EYS: variants seen among roughly 807,000 people sequenced by gnomAD.
EYS encodes the protein protein eyes shut homolog.
Under a neutral mutation model 282.1 loss-of-function variants are expected in EYS, and 250 were observed. That is an observed-to-expected ratio of 0.89 (90% CI 0.80 to 0.98). The LOEUF is 0.98. EYS is among the 50% of genes least tolerant of loss of function. The pLI, the probability that EYS is intolerant of heterozygous loss-of-function variation, is 0.00. For synonymous variants in EYS, 1,355 were observed against 1,282.9 expected, an observed-to-expected ratio of 1.06 and a Z score of -1.20; for missense variants, 4,016 against 3,709.0, an observed-to-expected ratio of 1.08 and a Z score of -2.15.
At chr6:64,406,876 C>T (rs577249949) in intron 28 of EYS, among the ~76,000 whole-genome samples, 1 of 152,254 alleles carries the variant, frequency 6.6e-6, no homozygotes, top group African/African-American at 2.4e-5. Context: ...TTAGTTCAAC[C>T]ATTGTGGAAG....
intron 8 of EYS, among the ~76,000 whole-genome samples, chr6:65,370,109 GA>G (rs1424094227): frequency 1.1e-4 from 16 of 150,906 alleles, no homozygotes; most frequent in Middle Eastern, 3.4e-3. Context: ...AGCATAGCAT[GA>G]ATTTCAGATT....
chr6:64,599,166 T>C (rs1021358171), intron 24 of EYS, among the ~76,000 whole-genome samples: 4 of 152,148 alleles, frequency 2.6e-5, no homozygotes, highest in Non-Finnish European at 4.4e-5. Flanking sequence ...ATTGGAATAT[T>C]TGAAATAAGA....
Position 65,526,594 on chromosome 6 carries a change from A to G in EYS, c.-332-30601T>C, listed in dbSNP as rs182194427. Among the ~76,000 whole-genome samples the G allele has an allele frequency of 3.4e-3, 522 of 152,262 alleles. 2 individuals are homozygous for G. Among genetic ancestry groups the G allele is most frequent in the African/African-American group, 0.012 (506 of 41,560 alleles). ...GCCGAGGGGGGTGGATCACGAGGTC[A>G]GGAGATTGAGACCATCTTGGCTAAC... On this transcript the variant is annotated intron_variant, in intron 2 of 42. Coordinates refer to ENST00000503581, the MANE Select transcript of EYS (RefSeq NM_001142800.2).
chr6:64,210,110 C>T (rs1055315953), intron 31 of EYS, among the ~76,000 whole-genome samples: 1 of 152,166 alleles, frequency 6.6e-6, no homozygotes, highest in Non-Finnish European at 1.5e-5. Context: ...TTGATTAATG[C>T]TGCTCTGATT....
rs185130766 is a variant in EYS at position 64,783,088 on chromosome 6, C to T, written c.3443+30290G>A. Reference sequence around the variant, plus strand: ...ATCATCCTTTTGTCCAGTATCCACACCGTAGGCACTACCCACCTATCAGTC... The same window carrying T: ...ATCATCCTTTTGTCCAGTATCCACATCGTAGGCACTACCCACCTATCAGTC... On this transcript the variant is annotated intron_variant, in intron 22 of 42. Transcript: ENST00000503581. 8.5e-5 allele frequency among the ~76,000 whole-genome samples: 13 copies of T among 152,250 alleles called. No individual in the cohort carries two copies. The East Asian group carries it at 2.3e-3, about 27-fold the overall frequency.
chr6:65,383,598 A>G (rs558019195), intron 8 of EYS, among the ~76,000 whole-genome samples: 1 of 151,560 alleles, frequency 6.6e-6, no homozygotes, highest in East Asian at 1.9e-4. Flanking sequence ...TGAAAAAAAA[A>G]AGCTTTGCAG....
At chr6:65,084,468 A>G (rs1375362985) in intron 12 of EYS, among the ~76,000 whole-genome samples, 1 of 152,180 alleles carries the variant, frequency 6.6e-6, no homozygotes, top group Non-Finnish European at 1.5e-5. Context: ...TGCTACTCCA[A>G]GAAAGTAAAA....
At chr6:65,284,264 GC>G (rs1289002653) in intron 12 of EYS, among the ~76,000 whole-genome samples, 1 of 151,934 alleles carries the variant, frequency 6.6e-6, no homozygotes, top group Non-Finnish European at 1.5e-5. Flanking sequence ...CAAATTTTGT[GC>G]TTTTTATTTT....
At chr6:64,940,348 A>G (rs887110013) in intron 15 of EYS, among the ~76,000 whole-genome samples, 8 of 152,088 alleles carry the variant, frequency 5.3e-5, no homozygotes, top group Non-Finnish European at 8.8e-5. Flanking sequence ...AAACGCATAT[A>G]CAAGTTATCT....
chr6:64,588,727 C>T (rs1018006673), intron 26 of EYS, among the ~76,000 whole-genome samples: 4 of 151,998 alleles, frequency 2.6e-5, no homozygotes, highest in Non-Finnish European at 4.4e-5. Context: ...TCCCCAAATA[C>T]CCAGTTAGAC....
chr6:64,676,338 C>CTA (rs1229565212), intron 22 of EYS, among the ~76,000 whole-genome samples: 11 of 125,158 alleles, frequency 8.8e-5, no homozygotes, highest in Middle Eastern at 5.6e-3. Context: ...ATCTATATAT[C>CTA]TATATATATA....
intron 26 of EYS, among the ~76,000 whole-genome samples, chr6:64,515,431 TA>T (rs1465175428): frequency 1.3e-5 from 2 of 151,370 alleles, no homozygotes; most frequent in African/African-American, 4.8e-5. Context: ...TATTTTTTGC[TA>T]AAAAAATTGT....
chr6:65,075,236 AATCTAAC>A (rs1774014268), intron 12 of EYS, among the ~76,000 whole-genome samples: 1 of 151,946 alleles, frequency 6.6e-6, no homozygotes, highest in African/African-American at 2.4e-5. Flanking sequence ...AGGGTGTAAT[AATCTAAC>A]CACTTCTACA....
chr6:64,949,527 T>C (rs1469700893), intron 14 of EYS, among the ~76,000 whole-genome samples: 1 of 151,932 alleles, frequency 6.6e-6, no homozygotes, highest in East Asian at 1.9e-4. Flanking sequence ...TGTTACCTCT[T>C]GTTTTGTTAA....
At chr6:64,658,888 C>G (rs1768872905) in intron 22 of EYS, among the ~76,000 whole-genome samples, 3 of 152,164 alleles carry the variant, frequency 2.0e-5, no homozygotes, top group Admixed American at 6.5e-5. Context: ...CCAAGTGGAC[C>G]TAATAGACAT....
chr6:64,127,557 G>A (rs1193329352), intron 31 of EYS, among the ~76,000 whole-genome samples: 1 of 151,830 alleles, frequency 6.6e-6, no homozygotes, highest in Non-Finnish European at 1.5e-5. Context: ...CATTTATTTT[G>A]AGAGACTAAA....
intron 26 of EYS, among the ~76,000 whole-genome samples, chr6:64,454,662 G>A (rs2150480393): frequency 6.6e-6 from 1 of 152,108 alleles, no homozygotes; most frequent in African/African-American, 2.4e-5. Flanking sequence ...GGGTTGTGTG[G>A]GGACACTTTT....
chr6:65,392,328 A>C (rs1766074866), intron 7 of EYS, among the ~76,000 whole-genome samples: 1 of 152,012 alleles, frequency 6.6e-6, no homozygotes, highest in Non-Finnish European at 1.5e-5. Context: ...AATGGGATCT[A>C]ATTAAACTAA....
In EYS at chr6:63,999,060, T is replaced by C. The variant is rs1213902247; in HGVS notation, c.6834+15A>G. On this transcript the variant is annotated intron_variant, in intron 34 of 42. Coordinates refer to ENST00000503581, the MANE Select transcript of EYS (RefSeq NM_001142800.2). The stretch of plus-strand genomic sequence containing the variant: ...GGCACAATTAGTGTTTGGAACTGGA[T>C]ATTTGCATACCTACCTGAGAGGCAT... 2.0e-6 allele frequency: 3 copies of C among 1,478,858 alleles called. No individual in the cohort carries two copies. The East Asian group carries it at 7.4e-5, about 36-fold the overall frequency. 91.6% of individuals were successfully genotyped at this position (1,478,858 alleles called of 1,614,324 possible).
Sources: allele counts gnomAD v4.1 joint callset (sites outside exome capture counted in the v4.1 genomes callset), GRCh38; gene constraint gnomAD v4.1.1; transcripts MANE v1.5; gene names NCBI Gene and HGNC (gene_info 2026-07-23, HGNC 2026-07-21).